The following VCL variants were observed in gnomAD, a reference collection of about 807,000 sequenced individuals.
VCL encodes the protein epididymis luminal protein 114.
In VCL, 47 loss-of-function variants were observed where a neutral mutation model predicts 125.7. The observed-to-expected ratio is 0.37, with a 90% CI of 0.30 to 0.48. The LOEUF (loss-of-function observed/expected upper bound fraction) is 0.48, where lower values mean the gene tolerates loss of function less well. Ranked by LOEUF, VCL falls within the 20% of genes least tolerant of loss-of-function variation. The pLI, the probability that VCL is intolerant of heterozygous loss-of-function variation, is 0.99. For synonymous variants in VCL, 458 were observed against 514.6 expected (o/e 0.89, Z 1.49); for missense variants, 1,069 against 1,455.5 (o/e 0.73, Z 4.32).
At chr10:74,023,123 C>T (rs867376266) in intron 1 of VCL, among the ~76,000 whole-genome samples, 8 of 152,192 alleles carry the variant, frequency 5.3e-5, no homozygotes, top group East Asian at 1.9e-4. Flanking sequence ...TTAGTGTGTA[C>T]GTGCTTTGCC....
chr10:74,057,259 TA>T (rs1375046946), intron 2 of VCL, among the ~76,000 whole-genome samples: 17 of 151,652 alleles, frequency 1.1e-4, no homozygotes, highest in South Asian at 2.1e-4. Context: ...TTTTATTATT[TA>T]AAAAAAAATT....
chr10:74,089,297 A>T lies in VCL; in HGVS notation c.1124A>T (p.Glu375Val). Residue 375 changes from glutamate to valine, a missense_variant, in exon 9 of 22, where the codon GAA becomes GTA. Glu to Val is a moderately radical substitution (Grantham distance 121). Around this residue, in one of 6 missense-constraint regions of VCL, gnomAD observed 760 missense variants for 928.9 expected, o/e 0.82. Transcript: ENST00000211998. ...GTGGAAAATGCAGCTCGCAAGCTGGAAGCCATGACCAACTCAAAGCAGAGC... is the reference window on the plus strand; with the variant it reads ...GTGGAAAATGCAGCTCGCAAGCTGGTAGCCATGACCAACTCAAAGCAGAGC... Reference protein sequence around the residue: ...AKVENAARKLEAMTNSKQSIA... With the variant: ...AKVENAARKLVAMTNSKQSIA... 1.9e-6 allele frequency: 3 copies of T among 1,614,210 alleles called. No individual in the cohort carries two copies. The highest frequency in any genetic ancestry group is 2.5e-6 in the Non-Finnish European group (3 of 1,180,044).
chr10:74,084,746 A>G (rs575990199), intron 8 of VCL, among the ~76,000 whole-genome samples: 17 of 151,750 alleles, frequency 1.1e-4, no homozygotes, highest in South Asian at 1.0e-3. Flanking sequence ...CTGAGTAGCT[A>G]GGATTACAGG....
intron 6 of VCL, 67 bp from the exon 7 acceptor site, chr10:74,082,387 G>A: frequency 6.4e-7 from 1 of 1,564,628 alleles, no homozygotes; most frequent in South Asian, 1.1e-5. Context: ...CTTCTTCTCT[G>A]TCTTACGTTC....
Position 74,097,067 on chromosome 10 carries a change from G to A in VCL, c.1744-137G>A. 3 of 1,286,894 alleles carry A rather than the reference G, an allele frequency of 2.3e-6. No homozygotes were observed. The highest frequency in any genetic ancestry group is 3.3e-6 in the Non-Finnish European group (3 of 914,748). The allele number at this position is 1,286,894 out of a possible 1,614,324, so 79.7% of individuals were successfully genotyped here. A position where few individuals can be genotyped will look rare whatever the true frequency, so the allele number is the denominator to read the frequency against. On this transcript the variant is annotated intron_variant, in intron 12 of 21. Coordinates refer to ENST00000211998, the MANE Select transcript of VCL (RefSeq NM_014000.3). The surrounding 1 kb of genome is among the most constrained non-coding windows in gnomAD (Gnocchi z 4.1). ...ATTACACCTGTTCTGTGCTAGCTCAGTGCTTTGTACACAGTTAACAAATAT... is the reference window on the plus strand; with the variant it reads ...ATTACACCTGTTCTGTGCTAGCTCAATGCTTTGTACACAGTTAACAAATAT...
chr10:74,049,738 C>A (rs1841264839), intron 2 of VCL, among the ~76,000 whole-genome samples: 1 of 152,050 alleles, frequency 6.6e-6, no homozygotes. Flanking sequence ...AGGAGGGAAG[C>A]TTTGTAGTTG....
At chr10:74,032,240 T>TA (rs770412004) in intron 1 of VCL, among the ~76,000 whole-genome samples, 22,279 of 76,236 alleles carry the variant, frequency 0.29, 2,254 homozygotes, top group East Asian at 0.36. Context: ...TGTTTCAGAA[T>TA]AAAAAAAAAA....
rs879367001 is a variant in VCL at position 74,038,901 on chromosome 10, AT to A, written c.169-4171del. On this transcript the variant is annotated intron_variant, in intron 1 of 21. Transcript: ENST00000211998. ...TTTTTATTTCATTGATTTAGAAGTG[AT>A]TTTTTTTTTTATTTTTTCCTTTTTT... Among the ~76,000 whole-genome samples the A allele has an allele frequency of 2.5e-3, 369 of 147,646 alleles. 4 individuals carry two copies. Among genetic ancestry groups the A allele is most frequent in the Middle Eastern group, 0.01 (3 of 288 alleles).
At chr10:74,088,358 G>A (rs1839821591) in intron 8 of VCL, among the ~76,000 whole-genome samples, 1 of 152,170 alleles carries the variant, frequency 6.6e-6, no homozygotes, top group South Asian at 2.1e-4. Context: ...AGTGAAATCA[G>A]TTCTTTAGGA....
chr10:74,015,651 T>C (rs1430918203), intron 1 of VCL, among the ~76,000 whole-genome samples: 1 of 152,168 alleles, frequency 6.6e-6, no homozygotes, highest in African/African-American at 2.4e-5. Flanking sequence ...ACTGCATTTT[T>C]AATTTAAATG....
rs144080529 is a variant in VCL, at chr10:73,998,327, C to A, written c.120C>A (p.Leu40=). 1.3e-6 allele frequency: 2 copies of A among 1,568,018 alleles called. No homozygotes were observed. The highest frequency in any genetic ancestry group is 3.7e-5 in the Admixed American group (2 of 54,066). The change falls in exon 1 of 22, where the codon CTC becomes CTA. Residue 40 remains leucine, a synonymous_variant. Transcript: ENST00000211998. ...GEVDGKAIPD[L]TAPVAAVQAA... is the part of the protein sequence containing the mutation. ...TGGACGGCAAAGCCATTCCTGACCT[C>A]ACCGCGCCCGTGGCCGCCGTGCAGG...
At chr10:74,016,564 G>C (rs922592978) in intron 1 of VCL, among the ~76,000 whole-genome samples, 21 of 152,108 alleles carry the variant, frequency 1.4e-4, no homozygotes, top group African/African-American at 5.1e-4. Flanking sequence ...TCTAGCCTGG[G>C]CAACAGAGCG....
chr10:74,077,568 C>A (rs1839609656), intron 6 of VCL: 1 of 243,694 alleles, frequency 4.1e-6, no homozygotes, highest in African/African-American at 2.3e-5. Flanking sequence ...ATTAATCAGA[C>A]CTTTTGTCTG....
At chr10:74,108,376 A>G (rs899680525) in intron 17 of VCL, among the ~76,000 whole-genome samples, 4 of 152,130 alleles carry the variant, frequency 2.6e-5, no homozygotes, top group African/African-American at 9.7e-5. Context: ...CAGGACCACA[A>G]CTTACATCTT....
chr10:74,061,948 CA>C (rs1841487231), intron 2 of VCL, among the ~76,000 whole-genome samples: 1 of 148,732 alleles, frequency 6.7e-6, no homozygotes, highest in South Asian at 2.1e-4. Context: ...CTGGGTCACT[CA>C]GGATGGAGTG....
intron 2 of VCL, 47 bp downstream of exon 2, chr10:74,043,200 T>C (rs778872498): frequency 1.3e-6 from 2 of 1,533,830 alleles, no homozygotes; most frequent in Admixed American, 1.7e-5. Context: ...ATAATACTCT[T>C]GTTAGGAAGA....
Position 73,998,147 on chromosome 10 carries a change from C to A in VCL, c.-61C>A. The A allele has an allele frequency of 6.3e-7, 1 of 1,583,352 alleles. No individual in the cohort carries two copies. The highest frequency in any genetic ancestry group is 1.1e-5 in the South Asian group (1 of 87,740). ...TGCACAGTCTGTCTCTTCGCCGGTTCCCGGCCCCGTGGATCCTACTTCTCT... is the reference window on the plus strand; with the variant it reads ...TGCACAGTCTGTCTCTTCGCCGGTTACCGGCCCCGTGGATCCTACTTCTCT... On this transcript the variant is annotated 5_prime_UTR_variant, in exon 1 of 22. Coordinates refer to ENST00000211998, the MANE Select transcript of VCL (RefSeq NM_014000.3).
rs185916291 is a variant in VCL, at chr10:74,054,659, G to A, written c.239+11506G>A. ...TTTTAGGCTGGGCGTGGTGGCTCACGCCTTTAATCCTAGCACTTCGGGAGG... is the reference window on the plus strand; with the variant it reads ...TTTTAGGCTGGGCGTGGTGGCTCACACCTTTAATCCTAGCACTTCGGGAGG... On this transcript the variant is annotated intron_variant, in intron 2 of 21. Coordinates refer to ENST00000211998, the MANE Select transcript of VCL (RefSeq NM_014000.3). 3.3e-5 allele frequency among the ~76,000 whole-genome samples: 5 copies of A among 152,256 alleles called. No homozygotes were observed. In the East Asian group the frequency reaches 5.8e-4, roughly 18 times the overall value.
At chr10:74,074,255 A>G (rs1368563791) in intron 5 of VCL, among the ~76,000 whole-genome samples, 1 of 152,062 alleles carries the variant, frequency 6.6e-6, no homozygotes, top group Non-Finnish European at 1.5e-5. Flanking sequence ...TTTCTTCTTT[A>G]TGTTTGGGGG....
Sources: gnomAD v4.1 joint callset for allele counts (sites outside exome capture counted in the v4.1 genomes callset) on GRCh38, gnomAD v4.1.1 for gene constraint, gnomAD v4.1.1 regional missense constraint, Gnocchi (gnomAD v3.1) non-coding constraint, MANE v1.5 for transcripts, NCBI Gene and HGNC (gene_info 2026-07-23, HGNC 2026-07-21) for gene names.